The following SH3PXD2B variants were observed in gnomAD, a reference collection of about 807,000 sequenced individuals.
SH3PXD2B encodes SH3 and PX domains 2B.
A neutral mutation model predicts 73.1 loss-of-function variants in SH3PXD2B; 37 were observed. The observed-to-expected ratio is 0.51, with a 90% confidence interval of 0.39 to 0.67. The LOEUF is 0.67. SH3PXD2B is among the 30% of genes least tolerant of loss of function. The pLI is 0.00. For synonymous variants in SH3PXD2B, 457 were observed against 480.5 expected, an observed-to-expected ratio of 0.95 and a Z score of 0.64; for missense variants, 1,053 against 1,197.8, an observed-to-expected ratio of 0.88 and a Z score of 1.78.
intron 5 of SH3PXD2B, among the ~76,000 whole-genome samples, chr5:172,375,934 A>G (rs1757811291): frequency 6.6e-6 from 1 of 152,180 alleles, no homozygotes; most frequent in Admixed American, 6.6e-5. Context: ...AGTGCCACAC[A>G]GATGTCCACA....
At chr5:172,440,024 A>G (rs1351479611) in intron 1 of SH3PXD2B, among the ~76,000 whole-genome samples, 1 of 152,130 alleles carries the variant, frequency 6.6e-6, no homozygotes, top group African/African-American at 2.4e-5. Context: ...AACCAACCTG[A>G]AGGCTGGCTT....
rs374958326 is a variant in SH3PXD2B, at chr5:172,339,740, C to T, written c.1365G>A (p.Leu455=). ...TGGCTTCGCTGCCCGTGTTGTTCTCCAGCGCTGCTGCTTCCCCCAGCCGGA... is the reference window on the plus strand; with the variant it reads ...TGGCTTCGCTGCCCGTGTTGTTCTCTAGCGCTGCTGCTTCCCCCAGCCGGA... ...TQLRLGEAAA[L]ENNTGSEATG... is the part of the protein sequence containing the mutation. Residue 455 remains leucine (L), a synonymous_variant, in exon 13 of 13, where the codon CTG becomes CTA. Transcript: ENST00000311601. This position sits in a 1 kb window ranked among gnomAD's most constrained non-coding sequence, Gnocchi z 6.1. The T allele has an allele frequency of 8.1e-6, 13 of 1,613,850 alleles. No individual in the cohort carries two copies. Among genetic ancestry groups the T allele is most frequent in the South Asian group, 1.1e-5 (1 of 91,072 alleles).
intron 1 of SH3PXD2B, among the ~76,000 whole-genome samples, chr5:172,440,087 T>C (rs574453699): frequency 6.6e-6 from 1 of 152,316 alleles, no homozygotes; most frequent in African/African-American, 2.4e-5. Context: ...TCTCCAAGGC[T>C]GCCAGGCCTC....
At chr5:172,428,368 G>A (rs1759152047) in intron 1 of SH3PXD2B, among the ~76,000 whole-genome samples, 1 of 152,228 alleles carries the variant, frequency 6.6e-6, no homozygotes, top group Non-Finnish European at 1.5e-5. Flanking sequence ...GTGAAACCAG[G>A]AGGAGATGCC....
chr5:172,369,663 G>C (rs1219715206), intron 6 of SH3PXD2B, among the ~76,000 whole-genome samples: 1 of 152,142 alleles, frequency 6.6e-6, no homozygotes, highest in African/African-American at 2.4e-5. Context: ...AGCTACTCGG[G>C]AGGCTGAGGC....
Position 172,433,108 on chromosome 5 carries a change from GGTGA to G in SH3PXD2B, c.76-10616_76-10613del, listed in dbSNP as rs367859852. ...CAAAACCTTTTCTATGTAACACAAT[GGTGA>G]GTATTTGTATATTCTAGTCAAATAC... On this transcript the variant is annotated intron_variant, in intron 1 of 12. Transcript: ENST00000311601. Among the ~76,000 whole-genome samples the G allele has an allele frequency of 9.2e-5, 14 of 151,926 alleles. No individual in the cohort carries two copies. In the East Asian group the frequency reaches 1.5e-3, roughly 17 times the overall value.
In SH3PXD2B at chr5:172,339,559, T is replaced by A. The variant is rs1480272069; in HGVS notation, c.1546A>T (p.Met516Leu). Reference protein sequence around the residue: ...AGYEEISDPDMEEKPSLPPRK... With the variant: ...AGYEEISDPDLEEKPSLPPRK... ...GGAGGGAGGCTGGGCTTCTCCTCCA[T>A]GTCGGGGTCTGAGATCTCCTCGTAG... The change falls in exon 13 of 13, where the codon ATG becomes TTG. Residue 516 changes from methionine to leucine, a missense_variant. This residue lies in a region of SH3PXD2B where 587 missense variants were observed against 590.7 expected (regional missense o/e 0.99). Transcript: ENST00000311601. This position sits in a 1 kb window ranked among gnomAD's most constrained non-coding sequence, Gnocchi z 6.1. 1.2e-5 allele frequency: 20 copies of A among 1,614,100 alleles called. No individual in the cohort carries two copies. The highest frequency in any genetic ancestry group is 4.0e-5 in the African/African-American group (3 of 74,946).
At chr5:172,391,296 C>T (rs1029280148) in intron 4 of SH3PXD2B, among the ~76,000 whole-genome samples, 2 of 152,136 alleles carry the variant, frequency 1.3e-5, no homozygotes, top group African/African-American at 4.8e-5. Flanking sequence ...TATTGAGCAT[C>T]TATTCATGTG....
At chr5:172,424,760 C>A (rs1581329265) in intron 1 of SH3PXD2B, among the ~76,000 whole-genome samples, 1 of 152,160 alleles carries the variant, frequency 6.6e-6, no homozygotes, top group Admixed American at 6.5e-5. Flanking sequence ...AATTTCCTAA[C>A]TCCTGGAGCC....
intron 1 of SH3PXD2B, among the ~76,000 whole-genome samples, chr5:172,443,225 T>A (rs1446187121): frequency 1.3e-5 from 2 of 152,218 alleles, no homozygotes; most frequent in Non-Finnish European, 2.9e-5. Flanking sequence ...ACGCAACGAC[T>A]GTCAAGTAAG....
intron 2 of SH3PXD2B, among the ~76,000 whole-genome samples, chr5:172,408,264 T>A (rs955175410): frequency 1.3e-5 from 2 of 152,082 alleles, no homozygotes; most frequent in Non-Finnish European, 2.9e-5. Context: ...TCTTTTTCTG[T>A]TCTCAATTTC....
At chr5:172,404,614 C>T (rs1015641172) in intron 3 of SH3PXD2B, among the ~76,000 whole-genome samples, 2 of 152,092 alleles carry the variant, frequency 1.3e-5, no homozygotes, top group African/African-American at 4.8e-5. Context: ...CTAAAGGGCC[C>T]GTCCAGCTCT....
intron 5 of SH3PXD2B, among the ~76,000 whole-genome samples, chr5:172,379,215 C>T (rs890394441): frequency 1.3e-5 from 2 of 150,636 alleles, no homozygotes; most frequent in African/African-American, 2.4e-5. Flanking sequence ...ATAGGATTAG[C>T]GCCTTTATGA....
chr5:172,437,281 G>C (rs1292572736), intron 1 of SH3PXD2B, among the ~76,000 whole-genome samples: 1 of 152,172 alleles, frequency 6.6e-6, no homozygotes, highest in African/African-American at 2.4e-5. Context: ...CTTTGGTTCT[G>C]ATCTGTTGAC....
rs1326584970 is a variant in SH3PXD2B, at chr5:172,333,896, C to T, written c.*4473G>A. 19 of 1,272,152 alleles carry T rather than the reference C, an allele frequency of 1.5e-5. No homozygotes were observed. Among genetic ancestry groups the T allele is most frequent in the Admixed American group, 5.4e-5 (2 of 37,008 alleles). 78.8% of individuals were successfully genotyped at this position (1,272,152 alleles called of 1,614,324 possible). A position where few individuals can be genotyped will look rare whatever the true frequency, so the allele number is the denominator to read the frequency against. ...GAAAGGGGCGCTAACAATAATTACA[C>T]GGGCACAAAGGCATACATGGGCACA... On this transcript the variant is annotated 3_prime_UTR_variant, in exon 13 of 13. Coordinates refer to ENST00000311601, the MANE Select transcript of SH3PXD2B (RefSeq NM_001017995.3).
At position 172,325,312 on chromosome 5, in the gene SH3PXD2B, T is replaced by C. The variant is rs748920360; in HGVS notation, c.1257A>G (p.Ala419=). ...TGGAAGCTGCCACGTGCTTCCCAAGTGCTGTCCGCATCTTGATTCTTCTAA... is the reference window on the plus strand; with the variant it reads ...TGGAAGCTGCCACGTGCTTCCCAAGCGCTGTCCGCATCTTGATTCTTCTAA... Residue 419 remains alanine (A), a synonymous_variant, in exon 13 of 13, where the codon GCA becomes GCG. Coordinates refer to the SH3PXD2B transcript ENST00000519643. 1 of 1,535,564 alleles carries C rather than the reference T, an allele frequency of 6.5e-7. No homozygotes were observed. The highest frequency in any genetic ancestry group is 8.7e-7 in the Non-Finnish European group (1 of 1,146,820).
intron 1 of SH3PXD2B, among the ~76,000 whole-genome samples, chr5:172,443,091 C>T (rs1759583783): frequency 6.6e-6 from 1 of 152,124 alleles, no homozygotes; most frequent in Admixed American, 6.5e-5. Flanking sequence ...CAAAATGTTT[C>T]AAAAAACAAA....
At chr5:172,394,460 T>C in intron 4 of SH3PXD2B, 103 bp downstream of exon 4, 1 of 1,227,964 alleles carries the variant, frequency 8.1e-7, no homozygotes, top group Non-Finnish European at 1.2e-6. Flanking sequence ...TACATTCCTT[T>C]GAATTGCACA....
Position 172,421,337 on chromosome 5 carries a change from C to G in SH3PXD2B, c.156+1079G>C, listed in dbSNP as rs1256657812. On this transcript the variant is annotated intron_variant, in intron 2 of 12. Coordinates refer to ENST00000311601, the MANE Select transcript of SH3PXD2B (RefSeq NM_001017995.3). This position sits in a 1 kb window ranked among gnomAD's most constrained non-coding sequence, Gnocchi z 4.0. ...TACCCTAATGGGGATGTGCTTATACCGAGCTGTTCACATTCTGCCTGGCTC... is the reference window on the plus strand; with the variant it reads ...TACCCTAATGGGGATGTGCTTATACGGAGCTGTTCACATTCTGCCTGGCTC... Among the ~76,000 whole-genome samples the G allele has an allele frequency of 6.6e-6, 1 of 152,188 alleles. No homozygotes were observed. Among genetic ancestry groups the G allele is most frequent in the African/African-American group, 2.4e-5 (1 of 41,446 alleles).
Sources: gnomAD v4.1 joint callset for allele counts (sites outside exome capture counted in the v4.1 genomes callset) on GRCh38, gnomAD v4.1.1 for gene constraint, gnomAD v4.1.1 regional missense constraint, Gnocchi (gnomAD v3.1) non-coding constraint, MANE v1.5 for transcripts, NCBI Gene and HGNC (gene_info 2026-07-23, HGNC 2026-07-21) for gene names.